Variants in TSHR observed in about 807,000 individuals in gnomAD.
TSHR encodes the protein thyrotropin receptor.
In TSHR, 51 loss-of-function variants were observed where a neutral mutation model predicts 64.1. That is an observed-to-expected ratio of 0.80 (90% CI 0.64 to 1.01). TSHR has a LOEUF of 1.01. Among genes scored for constraint, TSHR ranks in the 50% least tolerant of loss-of-function variants. TSHR has a pLI of 0.00. For missense variants in TSHR, 877 were observed against 942.8 expected (o/e 0.93, Z 0.91); for synonymous variants, 361 against 361.9 (o/e 1.00, Z 0.03).
intron 8 of TSHR, among the ~76,000 whole-genome samples, chr14:81,136,451 T>C (rs1163855152): frequency 6.6e-6 from 1 of 151,872 alleles, no homozygotes; most frequent in East Asian, 1.9e-4. Flanking sequence ...AGCAATCAAG[T>C]GGATGAGAGT....
intron 1 of TSHR, among the ~76,000 whole-genome samples, chr14:81,041,282 A>G (rs112087913): frequency 0.01 from 1,532 of 152,268 alleles, 20 homozygotes; most frequent in Middle Eastern, 0.031. Flanking sequence ...ATGTTCATCA[A>G]TGATAGAATG....
chr14:80,963,664 T>C (rs933670894), intron 1 of TSHR, among the ~76,000 whole-genome samples: 1 of 152,214 alleles, frequency 6.6e-6, no homozygotes, highest in Admixed American at 6.5e-5. Context: ...GCAAGTCTTA[T>C]TTGTTCAAAT....
At chr14:80,991,197 C>G (rs756065432) in intron 1 of TSHR, among the ~76,000 whole-genome samples, 4 of 152,198 alleles carry the variant, frequency 2.6e-5, no homozygotes, top group Non-Finnish European at 5.9e-5. Flanking sequence ...ATCCATGACT[C>G]TTTGTCCTCA....
chr14:81,040,774 G>A (rs1330506291), intron 1 of TSHR, among the ~76,000 whole-genome samples: 1 of 152,014 alleles, frequency 6.6e-6, no homozygotes, highest in African/African-American at 2.4e-5. Context: ...ATCTGACAAA[G>A]GTCTAATATC....
chr14:81,143,434 C>T lies in TSHR; in HGVS notation c.1376C>T (p.Ala459Val), dbSNP rs762578626. Residue 459 changes from alanine to valine, a missense_variant, in exon 10 of 10, where the codon GCG becomes GTG. Physicochemically the swap from Ala to Val is moderately conservative, Grantham distance 64. Coordinates refer to ENST00000298171, the MANE Select transcript of TSHR (RefSeq NM_000369.5). ...PRFLMCNLAF[A>V]DFCMGMYLLL... ...TTTCTCATGTGCAACCTGGCCTTTG[C>T]GGATTTCTGCATGGGGATGTACCTG... 3.7e-6 allele frequency: 6 copies of T among 1,614,036 alleles called. No homozygotes were observed. Among genetic ancestry groups the T allele is most frequent in the Middle Eastern group, 1.6e-4 (1 of 6,084 alleles).
At position 81,092,947 on chromosome 14, in the gene TSHR, A is replaced by T. The variant is rs577106089; in HGVS notation, c.545+339A>T. 1.4e-4 allele frequency among the ~76,000 whole-genome samples: 21 copies of T among 152,310 alleles called. No homozygotes were observed. The South Asian group carries it at 4.4e-3, about 32-fold the overall frequency. Reference sequence around the variant, plus strand: ...ACCGCAGTACTCAATATATACACTAATGAGCATGTCTGTGTTCCAATAAAA... The same window carrying T: ...ACCGCAGTACTCAATATATACACTATTGAGCATGTCTGTGTTCCAATAAAA... On this transcript the variant is annotated intron_variant, in intron 6 of 9. Coordinates refer to ENST00000298171, the MANE Select transcript of TSHR (RefSeq NM_000369.5).
intron 1 of TSHR, chr14:80,982,207 C>T (rs1888207830): frequency 3.4e-6 from 2 of 589,476 alleles, no homozygotes; most frequent in African/African-American, 3.7e-5. Context: ...AAGGAAGGAG[C>T]CCCTGTCAGA....
At chr14:81,045,182 G>T (rs1422015713) in intron 1 of TSHR, among the ~76,000 whole-genome samples, 1 of 152,202 alleles carries the variant, frequency 6.6e-6, no homozygotes, top group African/African-American at 2.4e-5. Flanking sequence ...TCACTTATAA[G>T]TAGGAGCTGA....
At chr14:80,968,269 C>G (rs1390683081) in intron 1 of TSHR, among the ~76,000 whole-genome samples, 1 of 152,086 alleles carries the variant, frequency 6.6e-6, no homozygotes, top group Non-Finnish European at 1.5e-5. Context: ...AACAGGTACC[C>G]AGGGTTGGTT....
intron 1 of TSHR, among the ~76,000 whole-genome samples, chr14:81,040,162 C>T (rs1191623642): frequency 1.3e-5 from 2 of 151,858 alleles, no homozygotes; most frequent in Non-Finnish European, 2.9e-5. Context: ...AATAAATCCA[C>T]GCACTTAAAG....
chr14:81,032,170 A>G (rs8020271), intron 1 of TSHR, among the ~76,000 whole-genome samples: 9,162 of 152,192 alleles, frequency 0.06, 930 homozygotes, highest in African/African-American at 0.21. Flanking sequence ...AAAAGAACCA[A>G]ACAAACTTCC....
intron 1 of TSHR, among the ~76,000 whole-genome samples, chr14:81,017,622 T>C (rs1243213406): frequency 1.3e-5 from 2 of 152,284 alleles, no homozygotes; most frequent in African/African-American, 4.8e-5. Flanking sequence ...GAATGGGGTC[T>C]GAGAAGATAC....
chr14:81,108,481 A>G, intron 8 of TSHR, 29 bp downstream of exon 8: 2 of 835,776 alleles, frequency 2.4e-6, no homozygotes, highest in Non-Finnish European at 3.7e-6. Context: ...AGAATATTTT[A>G]GTCTTTTTTT....
intron 8 of TSHR, among the ~76,000 whole-genome samples, chr14:81,114,761 C>T (rs10134025): frequency 0.099 from 15,024 of 152,100 alleles, 1,005 homozygotes; most frequent in African/African-American, 0.19. Context: ...CAGTAACCTC[C>T]GCAGACTTAA....
chr14:81,005,665 A>G (rs997958082), intron 1 of TSHR, among the ~76,000 whole-genome samples: 13 of 152,152 alleles, frequency 8.5e-5, no homozygotes, highest in Admixed American at 2.6e-4. Context: ...TGAGATGGCT[A>G]ATTCTAATTA....
chr14:81,125,427 G>C (rs527782135), intron 8 of TSHR, among the ~76,000 whole-genome samples: 15 of 152,298 alleles, frequency 9.8e-5, no homozygotes, highest in Admixed American at 1.3e-4. Context: ...GGAAGTAGTA[G>C]TAATAGTTGC....
chr14:80,964,894 T>C (rs2071009244), intron 1 of TSHR, among the ~76,000 whole-genome samples: 1 of 152,216 alleles, frequency 6.6e-6, no homozygotes, highest in Admixed American at 6.5e-5. Context: ...GTTACTACTG[T>C]TACTACTTGA....
intron 1 of TSHR, among the ~76,000 whole-genome samples, chr14:81,054,708 A>T (rs1885653417): frequency 6.6e-6 from 1 of 152,108 alleles, no homozygotes; most frequent in African/African-American, 2.4e-5. Flanking sequence ...TGGAACTTTG[A>T]ACTTGAGAGA....
intron 1 of TSHR, among the ~76,000 whole-genome samples, chr14:81,029,865 A>C (rs79429318): frequency 6.6e-6 from 1 of 152,226 alleles, no homozygotes; most frequent in Admixed American, 6.5e-5. Flanking sequence ...TCCAAGCCTC[A>C]GCGCTATAAA....
Sources: gnomAD v4.1 joint callset for allele counts (sites outside exome capture counted in the v4.1 genomes callset) on GRCh38, gnomAD v4.1.1 for gene constraint, MANE v1.5 for transcripts, NCBI Gene and HGNC (gene_info 2026-07-23, HGNC 2026-07-21) for gene names.